MRPL3: variants seen among roughly 807,000 people sequenced by gnomAD.
MRPL3 encodes mitochondrial ribosomal protein L3.
In MRPL3, 43 loss-of-function variants were observed where a neutral mutation model predicts 44.3. The ratio of observed to expected loss-of-function variants is 0.97; its 90% CI spans 0.76 to 1.25. The LOEUF (loss-of-function observed/expected upper bound fraction) is 1.25. Ranked by LOEUF, MRPL3 falls within the 50% of genes most tolerant of loss-of-function variation. The pLI is 0.00. For synonymous variants in MRPL3, 171 were observed against 152.3 expected (o/e 1.12, Z -0.91); for missense variants, 406 against 427.6 (o/e 0.95, Z 0.45).
chr3:131,490,046 AG>A lies in MRPL3; in HGVS notation c.502del (p.Gly169AspfsTer13), dbSNP rs1934219545. On this transcript the variant is annotated frameshift_variant, in exon 5 of 10. Transcript: ENST00000264995. LOFTEE classifies it high-confidence loss of function. Reference protein sequence around the residue: ...ATSILEFYRELGLPPKQTVKI... With the variant: ...ATSILEFYREXGLPPKQTVKI... ...AACTGTCTGTTTCGGCGGCAATCCA[AG>A]TTCCCGGTAAAATTCCAATATGGAT... The A allele has an allele frequency of 6.2e-7, 1 of 1,611,484 alleles. No homozygotes were observed. Among genetic ancestry groups the A allele is most frequent in the Non-Finnish European group, 8.5e-7 (1 of 1,178,044 alleles).
At chr3:131,472,486 A>C (rs180860389) in intron 6 of MRPL3, among the ~76,000 whole-genome samples, 2 of 152,314 alleles carry the variant, frequency 1.3e-5, no homozygotes, top group East Asian at 1.9e-4. Flanking sequence ...ATATATGACA[A>C]ACATACTGAT....
At chr3:131,473,476 A>G (rs141563158) in intron 6 of MRPL3, among the ~76,000 whole-genome samples, 2 of 152,296 alleles carry the variant, frequency 1.3e-5, no homozygotes, top group East Asian at 3.9e-4. Flanking sequence ...GAAATGCTTC[A>G]TAATACTGGG....
chr3:131,498,343 C>G, intron 3 of MRPL3, 66 bp from the exon 4 acceptor site: 1 of 989,534 alleles, frequency 1.0e-6, no homozygotes, highest in Non-Finnish European at 1.6e-6. Flanking sequence ...CAAACCAGCC[C>G]CATTGAGACC....
At chr3:131,487,503 C>A (rs976374372) in intron 6 of MRPL3, 177 bp downstream of exon 6, 13 of 583,798 alleles carry the variant, frequency 2.2e-5, no homozygotes, top group Non-Finnish European at 3.6e-5. Flanking sequence ...CCTTTACATA[C>A]AATTAATTTG....
At chr3:131,502,009 C>A in intron 1 of MRPL3, 1 of 1,101,958 alleles carries the variant, frequency 9.1e-7, no homozygotes. Context: ...AAGCCACTAA[C>A]CCATTTGGAA....
Position 131,462,616 on chromosome 3 carries a change from G to T in MRPL3, c.*107C>A. 1 of 1,092,246 alleles carries T rather than the reference G, an allele frequency of 9.2e-7. No homozygotes were observed. The highest frequency in any genetic ancestry group is 1.3e-6 in the Non-Finnish European group (1 of 780,604). The allele number at this position is 1,092,246 out of a possible 1,614,324, so 67.7% of individuals were successfully genotyped here. On this transcript the variant is annotated 3_prime_UTR_variant, in exon 10 of 10. Transcript: ENST00000264995. ...TGCCCTTGACAAAGATGACATGTGT[G>T]ATTTTGTTGTGACTAAGAAAGGAGA...
In MRPL3 at chr3:131,471,241, C is replaced by G. The variant is rs745508933; in HGVS notation, c.668G>C (p.Gly223Ala). Residue 223 changes from glycine to alanine, a missense_variant, in exon 7 of 10, where the codon GGA becomes GCA. Coordinates refer to ENST00000264995, the MANE Select transcript of MRPL3 (RefSeq NM_007208.4). ...KGFQGVMKRW[G>A]FKGQPATHGQ... ...ATGCGTAGCAGGCTGGCCTTTAAAT[C>G]CCCATCTTTTCATGACACCTTGAAA... 6.2e-7 allele frequency: 1 copy of G among 1,613,368 alleles called. No individual in the cohort carries two copies. Among genetic ancestry groups the G allele is most frequent in the Non-Finnish European group, 8.5e-7 (1 of 1,179,492 alleles).
rs148679749 is a variant in MRPL3 at position 131,462,839 on chromosome 3, C to G, written c.931G>C (p.Gly311Arg). Residue 311 changes from glycine (G) to arginine (R), a missense_variant, in exon 10 of 10, where the codon GGT becomes CGT. By Grantham distance (125) the Gly-to-Arg change is moderately radical. Coordinates refer to ENST00000264995, the MANE Select transcript of MRPL3 (RefSeq NM_007208.4). Reference sequence around the variant, plus strand: ...TATGTAGGGAATGGTAGATTTTTACCGAGATCCTTATATGCAGGCAGTTTA... The same window carrying G: ...TATGTAGGGAATGGTAGATTTTTACGGAGATCCTTATATGCAGGCAGTTTA... ...DSKLPAYKDL[G>R]KNLPFPTYFP... 3.1e-6 allele frequency: 5 copies of G among 1,611,424 alleles called. No individual in the cohort carries two copies. Among genetic ancestry groups the G allele is most frequent in the Non-Finnish European group, 4.2e-6 (5 of 1,178,448 alleles).
chr3:131,496,049 G>C (rs1482932635), intron 4 of MRPL3, among the ~76,000 whole-genome samples: 1 of 152,084 alleles, frequency 6.6e-6, no homozygotes, highest in Non-Finnish European at 1.5e-5. Context: ...GACCTGGCTG[G>C]GGCAGAAGGG....
chr3:131,484,098 T>C (rs1934056649), intron 6 of MRPL3, among the ~76,000 whole-genome samples: 1 of 152,176 alleles, frequency 6.6e-6, no homozygotes, highest in Admixed American at 6.5e-5. Context: ...TACATTAAAC[T>C]TGCTTGCTTT....
rs184251656 is a variant in MRPL3, at chr3:131,500,165, G to C, written c.369+265C>G. On this transcript the variant is annotated intron_variant, in intron 3 of 9. Coordinates refer to ENST00000264995, the MANE Select transcript of MRPL3 (RefSeq NM_007208.4). ...TTTTTCCAATTATGAAGTAAACAAG[G>C]GGATCTGTAAAAGGCTAGGTTATAC... 3.9e-5 allele frequency among the ~76,000 whole-genome samples: 6 copies of C among 152,090 alleles called. No homozygotes were observed. In the East Asian group the frequency reaches 9.7e-4, roughly 24 times the overall value.
In MRPL3 at chr3:131,468,213, T is replaced by A. The variant is rs1444508056; in HGVS notation, c.817-45A>T. On this transcript the variant is annotated intron_variant, in intron 8 of 9. Coordinates refer to ENST00000264995, the MANE Select transcript of MRPL3 (RefSeq NM_007208.4). ...CAAAAATTTTAGGATATACTTGTAT[T>A]AAAACAATGTTACTAAAAGCTGAGG... 7 of 1,118,522 alleles carry A rather than the reference T, an allele frequency of 6.3e-6. No homozygotes were observed. In the South Asian group the frequency reaches 7.0e-5, roughly 11 times the overall value. 69.3% of individuals were successfully genotyped at this position (1,118,522 alleles called of 1,614,324 possible).
chr3:131,490,118 T>A, intron 4 of MRPL3, 38 bp from the exon 5 acceptor site: 1 of 1,403,998 alleles, frequency 7.1e-7, no homozygotes, highest in Non-Finnish European at 1.0e-6. Flanking sequence ...ATACATTGAA[T>A]ATTAAAAGTG....
At chr3:131,473,591 A>G (rs1933787258) in intron 6 of MRPL3, among the ~76,000 whole-genome samples, 1 of 152,160 alleles carries the variant, frequency 6.6e-6, no homozygotes, top group Admixed American at 6.6e-5. Context: ...AAACAAAGCA[A>G]AGAGACAACC....
Position 131,462,791 on chromosome 3 carries a change from C to T in MRPL3, c.979G>A (p.Glu327Lys), listed in dbSNP as rs754377823. The T allele has an allele frequency of 4.3e-6, 7 of 1,613,028 alleles. No homozygotes were observed. The highest frequency in any genetic ancestry group is 5.9e-6 in the Non-Finnish European group (7 of 1,179,392). Residue 327 changes from glutamate to lysine, a missense_variant, in exon 10 of 10, where the codon GAA becomes AAA. By Grantham distance (56) the Glu-to-Lys change is moderately conservative (BLOSUM62 1). Transcript: ENST00000264995. ...TCATCATACAAATCTTCTGGCAGTT[C>T]CTCTTCATCTCCATCAGGAAAATAT... is the stretch of plus-strand genomic sequence containing the variant. ...PTYFPDGDEE[E>K]LPEDLYDENV...
At chr3:131,488,910 AT>A (rs1441613597) in intron 5 of MRPL3, 1 of 152,110 alleles carries the variant, frequency 6.6e-6, no homozygotes, top group Non-Finnish European at 1.5e-5. Context: ...CAATCAAAAA[AT>A]AGTATTAATT....
chr3:131,480,710 A>G (rs1933964241), intron 6 of MRPL3, among the ~76,000 whole-genome samples: 1 of 152,178 alleles, frequency 6.6e-6, no homozygotes. Context: ...CAATTCTACA[A>G]TATCATGAAA....
At chr3:131,474,057 T>G (rs569368472) in intron 6 of MRPL3, among the ~76,000 whole-genome samples, 2 of 152,182 alleles carry the variant, frequency 1.3e-5, no homozygotes, top group East Asian at 3.9e-4. Context: ...CACTATGGGG[T>G]AGATATCCAA....
intron 6 of MRPL3, among the ~76,000 whole-genome samples, chr3:131,474,626 CAT>C (rs1933812200): frequency 6.6e-6 from 1 of 152,076 alleles, no homozygotes; most frequent in African/African-American, 2.4e-5. Flanking sequence ...AATATACACA[CAT>C]ATTAAAACAT....
Sources: gnomAD v4.1 joint callset for allele counts (sites outside exome capture counted in the v4.1 genomes callset) on GRCh38, gnomAD v4.1.1 for gene constraint, MANE v1.5 for transcripts, NCBI Gene and HGNC (gene_info 2026-07-23, HGNC 2026-07-21) for gene names.